Variants in ASXL2 observed in about 807,000 individuals in gnomAD.
ASXL2 encodes the protein ASXL transcriptional regulator 2, also known as putative Polycomb group protein ASXL2.
In ASXL2, 23 loss-of-function variants were observed where a neutral mutation model predicts 122.0. The ratio of observed to expected loss-of-function variants is 0.19; its 90% CI spans 0.14 to 0.27. ASXL2 has a LOEUF of 0.27. Among genes scored for constraint, ASXL2 ranks in the 10% least tolerant of loss-of-function variants. ASXL2 has a pLI of 1.00. For synonymous variants in ASXL2, 650 were observed against 637.0 expected, an observed-to-expected ratio of 1.02 and a Z score of -0.31; for missense variants, 1,518 against 1,713.8, an observed-to-expected ratio of 0.89 and a Z score of 2.02.
intron 1 of ASXL2, among the ~76,000 whole-genome samples, chr2:25,868,836 A>G (rs2089931311): frequency 6.6e-6 from 1 of 152,140 alleles, no homozygotes; most frequent in South Asian, 2.1e-4. Flanking sequence ...CAAGACCAGC[A>G]TGAGCAACAT....
Position 25,790,869 on chromosome 2 carries a change from T to C in ASXL2, c.403+8516A>G, listed in dbSNP as rs961719724. ...CTCAGGCTGGAATACAGTGGCATCA[T>C]CATAGCTCACTGTGGTCTCAAACTT... is the stretch of plus-strand genomic sequence containing the variant. On this transcript the variant is annotated intron_variant, in intron 5 of 12. Transcript: ENST00000435504. Among the ~76,000 whole-genome samples, 6 of 142,568 alleles carry C rather than the reference T, an allele frequency of 4.2e-5. No homozygotes were observed. In the Admixed American group the frequency reaches 4.3e-4, roughly 10 times the overall value. 93.5% of individuals were successfully genotyped at this position (142,568 alleles called of 152,430 possible).
chr2:25,787,044 T>C (rs893019143), intron 5 of ASXL2, among the ~76,000 whole-genome samples: 5 of 151,104 alleles, frequency 3.3e-5, no homozygotes, highest in African/African-American at 1.2e-4. Context: ...AAGTAGACAA[T>C]CATAAAACTA....
chr2:25,877,079 T>G (rs1408634720), intron 1 of ASXL2, among the ~76,000 whole-genome samples: 5 of 152,218 alleles, frequency 3.3e-5, no homozygotes. Context: ...CAGTGAACAT[T>G]ACTTTTATAT....
intron 1 of ASXL2, among the ~76,000 whole-genome samples, chr2:25,853,086 T>C (rs1395005287): frequency 6.6e-6 from 1 of 152,224 alleles, no homozygotes; most frequent in Non-Finnish European, 1.5e-5. Context: ...ATATCCCATC[T>C]TCCCCCTTTC....
rs1473457848 is a variant in ASXL2 at position 25,740,976 on chromosome 2, C to T, written c.*1053G>A. The T allele has an allele frequency of 5.2e-6, 1 of 192,946 alleles. No individual in the cohort carries two copies. The highest frequency in any genetic ancestry group is 8.2e-5 in the East Asian group (1 of 12,148). The allele number at this position is 192,946 out of a possible 1,614,324, so 12.0% of individuals were successfully genotyped here. A position where few individuals can be genotyped will look rare whatever the true frequency, so the allele number is the denominator to read the frequency against. ...TGCAACAGCAGCTGACTATCTAGCACTAGGTTAACAGGTTGGGAGAGAAGA... is the reference window on the plus strand; with the variant it reads ...TGCAACAGCAGCTGACTATCTAGCATTAGGTTAACAGGTTGGGAGAGAAGA... On this transcript the variant is annotated 3_prime_UTR_variant, in exon 13 of 13. Coordinates refer to ENST00000435504, the MANE Select transcript of ASXL2 (RefSeq NM_018263.6).
intron 2 of ASXL2, among the ~76,000 whole-genome samples, chr2:25,842,267 G>C (rs1457712751): frequency 6.6e-6 from 1 of 152,136 alleles, no homozygotes; most frequent in Non-Finnish European, 1.5e-5. Context: ...CAATAGGTGA[G>C]CGAAAGCACA....
At chr2:25,757,742 G>C (rs1057405167) in intron 9 of ASXL2, among the ~76,000 whole-genome samples, 3 of 127,622 alleles carry the variant, frequency 2.4e-5, no homozygotes. Flanking sequence ...AAATGAACTA[G>C]ATAACCTCTA....
chr2:25,804,281 T>A (rs552395766), intron 4 of ASXL2, among the ~76,000 whole-genome samples: 2 of 152,326 alleles, frequency 1.3e-5, no homozygotes, highest in South Asian at 4.1e-4. Context: ...CAAGCATTCA[T>A]TCCCCTTCAG....
chr2:25,803,461 G>T (rs918846875), intron 4 of ASXL2, among the ~76,000 whole-genome samples: 12 of 152,160 alleles, frequency 7.9e-5, no homozygotes, highest in Admixed American at 4.6e-4. Flanking sequence ...CATCTGAAGG[G>T]GATGGGAGGG....
At chr2:25,760,634 G>A (rs971238928) in intron 8 of ASXL2, among the ~76,000 whole-genome samples, 1 of 152,100 alleles carries the variant, frequency 6.6e-6, no homozygotes, top group Non-Finnish European at 1.5e-5. Flanking sequence ...CTTTGATGTG[G>A]GTACACCCTC....
intron 1 of ASXL2, among the ~76,000 whole-genome samples, chr2:25,864,935 G>A (rs1035135606): frequency 2.6e-5 from 4 of 151,472 alleles, no homozygotes; most frequent in Non-Finnish European, 4.4e-5. Flanking sequence ...GGATTCGAGC[G>A]ATTCTTCTGC....
At chr2:25,774,482 G>A (rs1261243303) in intron 5 of ASXL2, among the ~76,000 whole-genome samples, 1 of 152,068 alleles carries the variant, frequency 6.6e-6, no homozygotes, top group African/African-American at 2.4e-5. Flanking sequence ...ATATTGTGCA[G>A]CAGGAACTCT....
chr2:25,743,418 G>C lies in ASXL2; in HGVS notation c.2919C>G (p.Thr973=). 1.9e-6 allele frequency: 3 copies of C among 1,613,870 alleles called. No homozygotes were observed. Among genetic ancestry groups the C allele is most frequent in the Non-Finnish European group, 2.5e-6 (3 of 1,179,886 alleles). The change falls in exon 13 of 13, where the codon ACC becomes ACG. Residue 973 remains threonine, a synonymous_variant. Coordinates refer to ENST00000435504, the MANE Select transcript of ASXL2 (RefSeq NM_018263.6). The part of the protein sequence containing the change: ...PMEQILPKPL[T]KVEMKTVPLT... ...GTGGAACCGTTTTCATTTCAACTTT[G>C]GTGAGAGGTTTAGGCAGAATTTGCT... is the stretch of plus-strand genomic sequence containing the variant.
At chr2:25,808,357 G>A (rs936635286) in intron 3 of ASXL2, among the ~76,000 whole-genome samples, 1 of 152,200 alleles carries the variant, frequency 6.6e-6, no homozygotes, top group African/African-American at 2.4e-5. Flanking sequence ...TTTTGAGACA[G>A]AGTCTCACTC....
At chr2:25,776,332 T>C (rs2088545717) in intron 5 of ASXL2, among the ~76,000 whole-genome samples, 1 of 152,194 alleles carries the variant, frequency 6.6e-6, no homozygotes, top group Non-Finnish European at 1.5e-5. Flanking sequence ...TGTTTCAATA[T>C]GTATAAATAC....
chr2:25,792,234 T>C (rs1346978366), intron 5 of ASXL2, among the ~76,000 whole-genome samples: 1 of 152,210 alleles, frequency 6.6e-6, no homozygotes, highest in Non-Finnish European at 1.5e-5. Flanking sequence ...ACTCCTGGGC[T>C]CAAGTGATCC....
At chr2:25,852,720 G>A (rs932748064) in intron 1 of ASXL2, among the ~76,000 whole-genome samples, 1 of 152,182 alleles carries the variant, frequency 6.6e-6, no homozygotes, top group Non-Finnish European at 1.5e-5. Flanking sequence ...AGAGAGATGA[G>A]AAGAAAACCA....
chr2:25,768,731 A>C lies in ASXL2; in HGVS notation c.631+11T>G. The stretch of plus-strand genomic sequence containing the variant: ...AGAAACTTCCATTGAAAAACTGCCC[A>C]AACTGCCTACCAGGTTTGGCAGGTA... On this transcript the variant is annotated intron_variant, in intron 7 of 12. Coordinates refer to ENST00000435504, the MANE Select transcript of ASXL2 (RefSeq NM_018263.6). The C allele has an allele frequency of 6.2e-7, 1 of 1,607,460 alleles. No individual in the cohort carries two copies. The highest frequency in any genetic ancestry group is 8.5e-7 in the Non-Finnish European group (1 of 1,177,488).
chr2:25,858,861 TG>T (rs1574452000), intron 1 of ASXL2, among the ~76,000 whole-genome samples: 1 of 150,226 alleles, frequency 6.7e-6, no homozygotes, highest in East Asian at 2.0e-4. Flanking sequence ...TTGCCCAGGC[TG>T]GAGTGCAGTG....
Sources: allele counts gnomAD v4.1 joint callset (sites outside exome capture counted in the v4.1 genomes callset), GRCh38; gene constraint gnomAD v4.1.1; transcripts MANE v1.5; gene names NCBI Gene and HGNC (gene_info 2026-07-23, HGNC 2026-07-21).